GCNT1: variants seen among roughly 807,000 people sequenced by gnomAD.
GCNT1 encodes the protein beta-1,3-galactosyl-O-glycosyl-glycoprotein beta-1,6-N-acetylglucosaminyltransferase.
In GCNT1, 16 loss-of-function variants were observed where a neutral mutation model predicts 26.2. The ratio of observed to expected loss-of-function variants is 0.61; its 90% CI spans 0.41 to 0.93. GCNT1 has a LOEUF of 0.93. Ranked by LOEUF, GCNT1 falls within the 40% of genes least tolerant of loss-of-function variation. GCNT1 has a pLI of 0.00. For missense variants in GCNT1, 477 were observed against 526.7 expected (o/e 0.91, Z 0.92); for synonymous variants, 183 against 190.8 (o/e 0.96, Z 0.34).
At chr9:76,396,584 G>A in the GCNT1 span, among the ~76,000 whole-genome samples, 1 of 152,246 alleles carries the variant, frequency 6.6e-6, no homozygotes, top group Non-Finnish European at 1.5e-5. Context: ...GCTCATGCCT[G>A]TAATCCCAGC....
chr9:76,458,730 T>C (rs1297806191), upstream of GCNT1, among the ~76,000 whole-genome samples: 1 of 152,192 alleles, frequency 6.6e-6, no homozygotes, highest in East Asian at 1.9e-4. Context: ...CACATGAATG[T>C]AATGAGTTCT....
intron 2 of GCNT1, among the ~76,000 whole-genome samples, chr9:76,499,137 C>CT (rs1286693393): frequency 1.3e-5 from 2 of 150,788 alleles, no homozygotes; most frequent in South Asian, 2.1e-4. Flanking sequence ...GTTAACAATC[C>CT]TTTTTTTTGA....
chr9:76,405,640 A>G, the GCNT1 span, among the ~76,000 whole-genome samples: 1 of 152,228 alleles, frequency 6.6e-6, no homozygotes, highest in Admixed American at 6.5e-5. Flanking sequence ...TGGAATTATA[A>G]AAGATGTAGC....
rs924447730 is a variant in GCNT1, at chr9:76,502,257, G to A, written c.-125G>A. 3.7e-5 allele frequency: 18 copies of A among 492,222 alleles called. No individual in the cohort carries two copies. The highest frequency in any genetic ancestry group is 2.1e-4 in the African/African-American group (11 of 51,916). 30.5% of individuals were successfully genotyped at this position (492,222 alleles called of 1,614,324 possible). ...ATTTCAGTGCTGCTCTTCATTTCAA[G>A]ATGCCGTTGCAGCTCTGATAAATGC... is the stretch of plus-strand genomic sequence containing the variant. On this transcript the variant is annotated 5_prime_UTR_variant, in exon 4 of 4. Transcript: ENST00000376730.
chr9:76,415,758 A>T (rs540083739), upstream of GCNT1, among the ~76,000 whole-genome samples: 4 of 152,350 alleles, frequency 2.6e-5, no homozygotes, highest in African/African-American at 9.6e-5. Flanking sequence ...TTGACAACTA[A>T]TTACACAATG....
Position 76,503,035 on chromosome 9 carries a change from T to A in GCNT1, c.654T>A (p.Gly218=). 6.2e-7 allele frequency: 1 copy of A among 1,614,032 alleles called. No homozygotes were observed. Among genetic ancestry groups the A allele is most frequent in the Non-Finnish European group, 8.5e-7 (1 of 1,180,024 alleles). Reference sequence around the variant, plus strand: ...GGAAGTACTTGATAAATCTTTGTGGTATGGATTTTCCCATTAAAACCAACC... The same window carrying A: ...GGAAGTACTTGATAAATCTTTGTGGAATGGATTTTCCCATTAAAACCAACC... ...ANWKYLINLC[G]MDFPIKTNLE... Residue 218 remains glycine (G), a synonymous_variant, in exon 4 of 4, where the codon GGT becomes GGA. Coordinates refer to ENST00000376730, the MANE Select transcript of GCNT1 (RefSeq NM_001490.5).
At chr9:76,484,933 C>T (rs1461253713) in intron 2 of GCNT1, among the ~76,000 whole-genome samples, 2 of 151,674 alleles carry the variant, frequency 1.3e-5, no homozygotes, top group Admixed American at 1.3e-4. Flanking sequence ...GGACTACAGA[C>T]TCGTGCCACC....
At chr9:76,498,476 TA>T (rs1055582693) in intron 2 of GCNT1, among the ~76,000 whole-genome samples, 1 of 152,110 alleles carries the variant, frequency 6.6e-6, no homozygotes, top group African/African-American at 2.4e-5. Context: ...CTCAATGAGA[TA>T]AAAAATACAC....
chr9:76,425,385 T>C (rs1206355066), intron 1 of GCNT1, among the ~76,000 whole-genome samples: 1 of 151,526 alleles, frequency 6.6e-6, no homozygotes, highest in Non-Finnish European at 1.5e-5. Context: ...AACACGCCCG[T>C]CTAATTTTTG....
At chr9:76,447,005 A>G (rs1823587326) in intron 1 of GCNT1, among the ~76,000 whole-genome samples, 1 of 151,742 alleles carries the variant, frequency 6.6e-6, no homozygotes, top group African/African-American at 2.4e-5. Flanking sequence ...AAATACAAAA[A>G]TTAACTGGGC....
intron 2 of GCNT1, among the ~76,000 whole-genome samples, chr9:76,494,599 G>T (rs952578510): frequency 1.3e-5 from 2 of 152,158 alleles, no homozygotes; most frequent in African/African-American, 4.8e-5. Flanking sequence ...GTGAGCCCAG[G>T]TGCCTAAAGA....
chr9:76,474,103 A>G (rs1824203080), intron 2 of GCNT1, among the ~76,000 whole-genome samples: 1 of 152,168 alleles, frequency 6.6e-6, no homozygotes. Context: ...CTGTCTCAGA[A>G]AAAGAAAGAA....
chr9:76,439,449 T>C (rs1233207235), upstream of GCNT1, among the ~76,000 whole-genome samples: 1 of 152,116 alleles, frequency 6.6e-6, no homozygotes, highest in Non-Finnish European at 1.5e-5. Flanking sequence ...GGTCTGAAAC[T>C]CCTGACCTCA....
chr9:76,435,888 C>T (rs939874797), intron 1 of GCNT1, among the ~76,000 whole-genome samples: 4 of 149,588 alleles, frequency 2.7e-5, no homozygotes, highest in Non-Finnish European at 5.9e-5. Context: ...TTTATTGGTA[C>T]ATTCAATCCT....
chr9:76,480,964 C>A (rs1047834183), intron 2 of GCNT1, among the ~76,000 whole-genome samples: 1 of 151,796 alleles, frequency 6.6e-6, no homozygotes, highest in Admixed American at 6.6e-5. Context: ...AATAGCTGGG[C>A]GTGGTGTCTC....
At chr9:76,464,152 A>T (rs553382729) in intron 2 of GCNT1, among the ~76,000 whole-genome samples, 3 of 152,086 alleles carry the variant, frequency 2.0e-5, no homozygotes, top group African/African-American at 7.2e-5. Context: ...GATCAAGAGT[A>T]AAATATGTCT....
rs746956990 is a variant in GCNT1, at chr9:76,503,308, G to C, written c.927G>C (p.Met309Ile). 5 of 1,614,136 alleles carry C rather than the reference G, an allele frequency of 3.1e-6. No homozygotes were observed. The highest frequency in any genetic ancestry group is 3.3e-5 in the Admixed American group (2 of 60,014). ...VLQNEKIQKLMEWAQDTYSPD... is the reference protein window; with the variant it reads ...VLQNEKIQKLIEWAQDTYSPD... ...AGAATGAAAAAATCCAAAAGTTGAT[G>C]GAGTGGGCACAAGACACATACAGCC... is the stretch of plus-strand genomic sequence containing the variant. Residue 309 changes from methionine to isoleucine, a missense_variant, in exon 4 of 4, where the codon ATG becomes ATC. Coordinates refer to ENST00000376730, the MANE Select transcript of GCNT1 (RefSeq NM_001490.5).
chr9:76,456,627 A>T (rs759888998), upstream of GCNT1, among the ~76,000 whole-genome samples: 4 of 152,204 alleles, frequency 2.6e-5, no homozygotes, highest in African/African-American at 4.8e-5. Flanking sequence ...CATTCCAGAA[A>T]TACCTTCTAA....
At chr9:76,495,363 C>T (rs771533505) in intron 2 of GCNT1, among the ~76,000 whole-genome samples, 2 of 152,130 alleles carry the variant, frequency 1.3e-5, no homozygotes, top group African/African-American at 2.4e-5. Flanking sequence ...CAGACCTTTG[C>T]GGTGAGTGTT....
Sources: allele counts gnomAD v4.1 joint callset (sites outside exome capture counted in the v4.1 genomes callset), GRCh38; gene constraint gnomAD v4.1.1; transcripts MANE v1.5; gene names NCBI Gene and HGNC (gene_info 2026-07-23, HGNC 2026-07-21).